The following TBCE variants were observed in gnomAD, a reference collection of about 807,000 sequenced individuals.
TBCE encodes tubulin-specific chaperone E.
Under a neutral mutation model 77.0 loss-of-function variants are expected in TBCE, and 53 were observed. The observed-to-expected ratio is 0.69, with a 90% CI of 0.55 to 0.87. The LOEUF (loss-of-function observed/expected upper bound fraction) is 0.87. Ranked by LOEUF, TBCE falls within the 40% of genes least tolerant of loss-of-function variation. The pLI is 0.00. For synonymous variants in TBCE, 235 were observed against 241.3 expected, an observed-to-expected ratio of 0.97 and a Z score of 0.24; for missense variants, 624 against 622.4, an observed-to-expected ratio of 1.00 and a Z score of -0.03.
intron 5 of TBCE, among the ~76,000 whole-genome samples, chr1:235,424,375 A>G (rs1572408125): frequency 8.2e-6 from 1 of 122,690 alleles, no homozygotes; most frequent in Admixed American, 9.8e-5. Context: ...ACTGGGCTGG[A>G]GTGCAGTGGC....
At chr1:235,439,038 G>A (rs1461872426) in intron 13 of TBCE, 116 bp downstream of exon 13, 1 of 1,453,012 alleles carries the variant, frequency 6.9e-7, no homozygotes, top group African/African-American at 1.4e-5. Flanking sequence ...CCTTTCCTGG[G>A]CTTCTTGTAT....
chr1:235,406,397 A>T (rs1679429719), intron 3 of TBCE, among the ~76,000 whole-genome samples: 1 of 152,240 alleles, frequency 6.6e-6, no homozygotes, highest in African/African-American at 2.4e-5. Flanking sequence ...CAGTGTCAAA[A>T]TAAAAATAAA....
Position 235,414,570 on chromosome 1 carries a change from A to G in TBCE, c.323A>G (p.Asn108Ser). The change falls in exon 4 of 17, where the codon AAT (asparagine) becomes AGT (serine). Residue 108 changes from asparagine (N) to serine (S), a missense_variant. By Grantham distance (46) the Asn-to-Ser change is conservative. Coordinates refer to ENST00000642610, the MANE Select transcript of TBCE (RefSeq NM_003193.5). Reference sequence around the variant, plus strand: ...AAAGAGCAAATTGTTACAATTGGAAATAAACCTGTGGAGACTATCGGTTTT... The same window carrying G: ...AAAGAGCAAATTGTTACAATTGGAAGTAAACCTGTGGAGACTATCGGTTTT... ...DRKEQIVTIG[N>S]KPVETIGFDS... 1.9e-6 allele frequency: 3 copies of G among 1,613,950 alleles called. No homozygotes were observed. The South Asian group carries it at 3.3e-5, about 18-fold the overall frequency.
chr1:235,448,298 C>T (rs1179801333), intron 15 of TBCE, 51 bp from the exon 16 acceptor site: 14 of 1,435,730 alleles, frequency 9.8e-6, no homozygotes, highest in East Asian at 2.4e-5. Context: ...GCTAGTTTTA[C>T]AGGTAACTGT....
chr1:235,394,862 G>A (rs2102843989), intron 2 of TBCE, among the ~76,000 whole-genome samples: 1 of 152,156 alleles, frequency 6.6e-6, no homozygotes, highest in African/African-American at 2.4e-5. Context: ...ACAGGCACTA[G>A]CCACCATACC....
chr1:235,445,599 G>A (rs1259123310), intron 15 of TBCE, among the ~76,000 whole-genome samples: 6 of 152,140 alleles, frequency 3.9e-5, no homozygotes, highest in Non-Finnish European at 8.8e-5. Flanking sequence ...TTGAGCCACT[G>A]CAATCTGGCC....
At position 235,450,144 on chromosome 1, in the gene TBCE, G is replaced by A; in HGVS notation, c.*1382G>A. On this transcript the variant is annotated 3_prime_UTR_variant, in exon 17 of 17. Coordinates refer to ENST00000642610, the MANE Select transcript of TBCE (RefSeq NM_003193.5). ...TACTGCTAAACCCTGGGACTCCTCA[G>A]ACTTGCACTCAGATTATCGTTTGCC... is the stretch of plus-strand genomic sequence containing the variant. 1.9e-6 allele frequency: 3 copies of A among 1,593,286 alleles called. No homozygotes were observed. The highest frequency in any genetic ancestry group is 2.6e-6 in the Non-Finnish European group (3 of 1,162,644).
chr1:235,423,037 T>G (rs931331519), intron 5 of TBCE, among the ~76,000 whole-genome samples: 1 of 152,230 alleles, frequency 6.6e-6, no homozygotes, highest in Non-Finnish European at 1.5e-5. Context: ...GTGATAAATG[T>G]CTTGCAGCTC....
chr1:235,423,178 G>T (rs770910904), intron 5 of TBCE, among the ~76,000 whole-genome samples: 1 of 152,056 alleles, frequency 6.6e-6, no homozygotes, highest in African/African-American at 2.4e-5. Context: ...CTGCAGACCC[G>T]GGTGTGTCAA....
chr1:235,391,600 C>CTTTTTTTTTT (rs58265980), intron 2 of TBCE, among the ~76,000 whole-genome samples: 5 of 85,398 alleles, frequency 5.9e-5, no homozygotes, highest in Admixed American at 1.6e-4. Context: ...GCTTCATTTC[C>CTTTTTTTTTT]TTTTTTTTTT....
chr1:235,398,372 C>G (rs541877944), intron 2 of TBCE, among the ~76,000 whole-genome samples: 2 of 152,090 alleles, frequency 1.3e-5, no homozygotes, highest in South Asian at 4.1e-4. Context: ...TCTCAAATTC[C>G]TGACCTCAGG....
chr1:235,373,618 A>AT (rs1161323366), intron 1 of TBCE, among the ~76,000 whole-genome samples: 2 of 114,884 alleles, frequency 1.7e-5, no homozygotes, highest in East Asian at 3.1e-4. Flanking sequence ...TAATTTTTGT[A>AT]TTTTTATTTT....
intron 5 of TBCE, among the ~76,000 whole-genome samples, chr1:235,425,355 G>A (rs1398081581): frequency 6.6e-6 from 1 of 152,040 alleles, no homozygotes; most frequent in African/African-American, 2.4e-5. Context: ...AGAGTCAGAC[G>A]CCCCCTCTGA....
intron 2 of TBCE, among the ~76,000 whole-genome samples, chr1:235,386,887 G>A (rs547307354): frequency 0.013 from 2,046 of 152,230 alleles, 94 homozygotes; most frequent in East Asian, 0.11. Context: ...GCTTTTTAGA[G>A]TTTCCAGTTT....
At chr1:235,414,981 T>C (rs2102883983) in intron 4 of TBCE, 1 of 322,320 alleles carries the variant, frequency 3.1e-6, no homozygotes, top group East Asian at 7.9e-5. Context: ...TTGTTCCCTA[T>C]GCCGTGGAGC....
Position 235,386,987 on chromosome 1 carries a change from T to C in TBCE, c.100+6838T>C, listed in dbSNP as rs551652788. Among the ~76,000 whole-genome samples, 61 of 152,302 alleles carry C rather than the reference T, an allele frequency of 4.0e-4. 1 individual carries two copies. Among genetic ancestry groups the C allele is most frequent in the African/African-American group, 1.4e-3 (58 of 41,572 alleles). On this transcript the variant is annotated intron_variant, in intron 2 of 16. Transcript: ENST00000642610. ...TACAGATGGGTTTTTGGTGTGGATGTCCTTCCTGTTTGTTAGTTTTCCTTC... is the reference window on the plus strand; with the variant it reads ...TACAGATGGGTTTTTGGTGTGGATGCCCTTCCTGTTTGTTAGTTTTCCTTC...
chr1:235,383,424 G>T (rs1288204764), intron 2 of TBCE, among the ~76,000 whole-genome samples: 2 of 152,100 alleles, frequency 1.3e-5, no homozygotes, highest in Non-Finnish European at 2.9e-5. Context: ...CCATTTTCAC[G>T]ATATTAATTC....
chr1:235,439,815 C>A (rs1404588452), intron 13 of TBCE, among the ~76,000 whole-genome samples: 2 of 149,984 alleles, frequency 1.3e-5, no homozygotes, highest in Non-Finnish European at 3.0e-5. Flanking sequence ...CTTTTTTTTT[C>A]TTTTGAGACA....
intron 1 of TBCE, among the ~76,000 whole-genome samples, chr1:235,372,269 G>C (rs1228246047): frequency 6.6e-6 from 1 of 152,052 alleles, no homozygotes; most frequent in Non-Finnish European, 1.5e-5. Context: ...TAGTGGCAAG[G>C]CTGCTCTGGA....
Sources: gnomAD v4.1 joint callset for allele counts (sites outside exome capture counted in the v4.1 genomes callset) on GRCh38, gnomAD v4.1.1 for gene constraint, MANE v1.5 for transcripts, NCBI Gene and HGNC (gene_info 2026-07-23, HGNC 2026-07-21) for gene names.